The following MGAT4C variants were observed in gnomAD, a reference collection of about 807,000 sequenced individuals.
MGAT4C encodes MGAT4 family member C, also known as alpha-1,3-mannosyl-glycoprotein 4-beta-N-acetylglucosaminyltransferase C.
Under a neutral mutation model 40.1 loss-of-function variants are expected in MGAT4C, and 19 were observed. The ratio of observed to expected loss-of-function variants is 0.47; its 90% CI spans 0.33 to 0.70. MGAT4C has a LOEUF of 0.70. Among genes scored for constraint, MGAT4C ranks in the 30% least tolerant of loss-of-function variants. MGAT4C has a pLI of 0.02. For missense variants in MGAT4C, 491 were observed against 563.2 expected, an observed-to-expected ratio of 0.87 and a Z score of 1.30; for synonymous variants, 181 against 187.1, an observed-to-expected ratio of 0.97 and a Z score of 0.27.
At chr12:86,745,256 T>G (rs11836530) in intron 1 of MGAT4C, 1 of 151,616 alleles carries the variant, frequency 6.6e-6, no homozygotes, top group African/African-American at 2.4e-5. Flanking sequence ...CTGGAATAAC[T>G]GAATGATACC....
At chr12:86,339,190 T>C (rs552529776) in intron 3 of MGAT4C, among the ~76,000 whole-genome samples, 11 of 152,150 alleles carry the variant, frequency 7.2e-5, no homozygotes, top group Admixed American at 7.2e-4. Flanking sequence ...ACATAGCAAA[T>C]GAAGGCACAT....
chr12:86,831,026 A>C (rs1952916426), intron 1 of MGAT4C, among the ~76,000 whole-genome samples: 1 of 151,834 alleles, frequency 6.6e-6, no homozygotes, highest in African/African-American at 2.4e-5. Flanking sequence ...ATGCTCAGAA[A>C]GTTATTTTAT....
chr12:86,425,095 C>T (rs1956901202), intron 3 of MGAT4C, among the ~76,000 whole-genome samples: 1 of 151,912 alleles, frequency 6.6e-6, no homozygotes, highest in Admixed American at 6.6e-5. Context: ...AGATAAAGTA[C>T]CTTATTCAAA....
At chr12:86,686,478 T>C (rs939852469) in intron 2 of MGAT4C, among the ~76,000 whole-genome samples, 2 of 152,206 alleles carry the variant, frequency 1.3e-5, no homozygotes, top group African/African-American at 4.8e-5. Context: ...GGGTTTGTCA[T>C]AAATAGCTCT....
At chr12:86,817,088 C>G (rs1263431822) in intron 1 of MGAT4C, among the ~76,000 whole-genome samples, 1 of 150,390 alleles carries the variant, frequency 6.6e-6, no homozygotes, top group African/African-American at 2.4e-5. Context: ...ATACATGTTA[C>G]ATTAATTTTC....
At chr12:86,291,013 C>G (rs1431742698) in intron 4 of MGAT4C, among the ~76,000 whole-genome samples, 3 of 152,106 alleles carry the variant, frequency 2.0e-5, no homozygotes, top group Non-Finnish European at 1.5e-5. Context: ...GAAATTGGGT[C>G]AGCTGAACAG....
chr12:86,173,778 TG>T (rs1230762203), intron 1 of MGAT4C, among the ~76,000 whole-genome samples: 2 of 152,060 alleles, frequency 1.3e-5, no homozygotes, highest in African/African-American at 2.4e-5. Flanking sequence ...AAAAAAGGGA[TG>T]GGGATTTCAC....
At chr12:86,258,282 A>G (rs191533525), upstream of MGAT4C, among the ~76,000 whole-genome samples, 15 of 143,948 alleles carry the variant, frequency 1.0e-4, 1 homozygote, top group Middle Eastern at 7.2e-3. Flanking sequence ...GCAACAGGAT[A>G]TAATCTATCT....
chr12:86,474,056 C>T (rs935994422), intron 2 of MGAT4C, among the ~76,000 whole-genome samples: 1 of 152,022 alleles, frequency 6.6e-6, no homozygotes, highest in East Asian at 1.9e-4. Flanking sequence ...ACTATACTAA[C>T]GAGATCCTTT....
intron 2 of MGAT4C, among the ~76,000 whole-genome samples, chr12:86,627,419 A>C (rs569279887): frequency 6.6e-6 from 1 of 152,196 alleles, no homozygotes; most frequent in East Asian, 1.9e-4. Context: ...CTGCCTCCTC[A>C]AGTGGGACCC....
intron 1 of MGAT4C, among the ~76,000 whole-genome samples, chr12:86,816,283 T>C (rs916786533): frequency 1.3e-5 from 2 of 151,894 alleles, no homozygotes; most frequent in African/African-American, 4.8e-5. Context: ...TAATTGTGTG[T>C]CAAAATTGAC....
intron 2 of MGAT4C, among the ~76,000 whole-genome samples, chr12:86,625,956 T>A (rs1029979127): frequency 1.4e-4 from 21 of 152,110 alleles, no homozygotes; most frequent in Admixed American, 2.6e-4. Context: ...TTAGACAGAA[T>A]AAAAAACCAA....
intron 2 of MGAT4C, among the ~76,000 whole-genome samples, chr12:86,691,996 G>C (rs908480674): frequency 6.6e-6 from 1 of 151,996 alleles, no homozygotes; most frequent in Non-Finnish European, 1.5e-5. Context: ...TTGGTGAATT[G>C]GTTGAATATC....
chr12:86,312,587 A>G (rs1954106309), intron 4 of MGAT4C, among the ~76,000 whole-genome samples: 3 of 152,186 alleles, frequency 2.0e-5, no homozygotes, highest in Non-Finnish European at 4.4e-5. Context: ...GTTCAGGTTG[A>G]ATGGTGTAAG....
At chr12:86,264,571 T>G (rs997008921) in intron 4 of MGAT4C, among the ~76,000 whole-genome samples, 1 of 152,110 alleles carries the variant, frequency 6.6e-6, no homozygotes, top group East Asian at 1.9e-4. Flanking sequence ...AGCCTCCTGC[T>G]TCCCAGGTGA....
intron 2 of MGAT4C, among the ~76,000 whole-genome samples, chr12:86,546,062 C>T (rs918668528): frequency 3.9e-5 from 6 of 151,964 alleles, no homozygotes; most frequent in East Asian, 1.9e-4. Flanking sequence ...ATGCTCAAAA[C>T]GTTGACGTTT....
At chr12:86,773,488 G>C (rs1223681285) in intron 1 of MGAT4C, among the ~76,000 whole-genome samples, 1 of 152,024 alleles carries the variant, frequency 6.6e-6, no homozygotes. Flanking sequence ...GGCAACCCTA[G>C]CAAACTAATA....
chr12:86,120,867 C>A (rs1879267440), intron 1 of MGAT4C, among the ~76,000 whole-genome samples: 1 of 152,194 alleles, frequency 6.6e-6, no homozygotes, highest in Non-Finnish European at 1.5e-5. Context: ...TCCTTGCCAG[C>A]AATGGAACAA....
chr12:86,203,014 C>CTGTGTGTGTGTGTGTG (rs10587166), intron 1 of MGAT4C, among the ~76,000 whole-genome samples: 1 of 147,388 alleles, frequency 6.8e-6, no homozygotes, highest in Admixed American at 6.8e-5. Flanking sequence ...TCACATTTTC[C>CTGTGTGTGTGTGTGTG]TGTGTGTGTG....
Sources: gnomAD v4.1 joint callset for allele counts (sites outside exome capture counted in the v4.1 genomes callset) on GRCh38, gnomAD v4.1.1 for gene constraint, MANE v1.5 for transcripts, NCBI Gene and HGNC (gene_info 2026-07-23, HGNC 2026-07-21) for gene names.